GABRB1: variants seen among roughly 807,000 people sequenced by gnomAD.
GABRB1 encodes gamma-aminobutyric acid type A receptor subunit beta1, also known as gamma-aminobutyric acid receptor subunit beta-1.
In GABRB1, 17 loss-of-function variants were observed where a neutral mutation model predicts 51.6. The ratio of observed to expected loss-of-function variants is 0.33; its 90% CI spans 0.23 to 0.49. The LOEUF (loss-of-function observed/expected upper bound fraction) is 0.49. GABRB1 is among the 20% of genes least tolerant of loss of function. The pLI, the probability that GABRB1 is intolerant of heterozygous loss-of-function variation, is 0.99. For missense variants in GABRB1, 410 were observed against 600.6 expected, an observed-to-expected ratio of 0.68 and a Z score of 3.32; for synonymous variants, 247 against 218.9, an observed-to-expected ratio of 1.13 and a Z score of -1.14.
At chr4:46,995,100 A>G (rs532674150) in intron 1 of GABRB1, among the ~76,000 whole-genome samples, 18 of 152,326 alleles carry the variant, frequency 1.2e-4, no homozygotes, top group Admixed American at 8.5e-4. Flanking sequence ...GGCCTGGGCT[A>G]GGTAATTTTT....
At chr4:47,109,509 T>G (rs1460308373) in intron 3 of GABRB1, among the ~76,000 whole-genome samples, 1 of 152,104 alleles carries the variant, frequency 6.6e-6, no homozygotes, top group Non-Finnish European at 1.5e-5. Context: ...TGAGTTTGGT[T>G]GCAGGTAGAC....
At chr4:47,218,700 G>T (rs915259014) in intron 4 of GABRB1, among the ~76,000 whole-genome samples, 1 of 151,764 alleles carries the variant, frequency 6.6e-6, no homozygotes, top group Non-Finnish European at 1.5e-5. Context: ...TGAAAGGAAG[G>T]AGTGGCTATT....
chr4:47,165,355 C>T (rs975843810), intron 4 of GABRB1, among the ~76,000 whole-genome samples: 8 of 151,934 alleles, frequency 5.3e-5, no homozygotes, highest in Non-Finnish European at 4.4e-5. Context: ...TCTTCAGTTT[C>T]TGCTTTGAGC....
At chr4:47,371,390 A>G (rs931682741) in intron 5 of GABRB1, among the ~76,000 whole-genome samples, 1 of 152,156 alleles carries the variant, frequency 6.6e-6, no homozygotes, top group African/African-American at 2.4e-5. Flanking sequence ...TAGTGCTGCA[A>G]TCAACATACA....
chr4:47,036,733 G>A (rs1478443237), intron 3 of GABRB1, among the ~76,000 whole-genome samples: 2 of 152,008 alleles, frequency 1.3e-5, no homozygotes, highest in South Asian at 2.1e-4. Context: ...GTGATGGTGC[G>A]TGCCTATAGT....
Position 47,425,747 on chromosome 4 carries a change from C to T in GABRB1, c.1154C>T (p.Thr385Met). The T allele has an allele frequency of 6.2e-7, 1 of 1,614,186 alleles. No homozygotes were observed. Among genetic ancestry groups the T allele is most frequent in the Non-Finnish European group, 8.5e-7 (1 of 1,180,016 alleles). The change falls in exon 9 of 9, where the codon ACG becomes ATG. Residue 385 changes from threonine to methionine, a missense_variant. Thr to Met is a moderately conservative substitution (Grantham distance 81). Coordinates refer to ENST00000295454, the MANE Select transcript of GABRB1 (RefSeq NM_000812.4). ...GAGACGAGTGGCTCGGAAGTGCTCA[C>T]GAGCGTGAGCGACCCCAAGGCCACC... is the stretch of plus-strand genomic sequence containing the variant. ...RNETSGSEVL[T>M]SVSDPKATMY...
intron 5 of GABRB1, among the ~76,000 whole-genome samples, chr4:47,356,098 G>T (rs1191281652): frequency 2.6e-5 from 4 of 152,152 alleles, no homozygotes; most frequent in Admixed American, 6.5e-5. Context: ...ATTGTTGAAT[G>T]AATTAATTGG....
At chr4:47,086,109 A>G (rs1361144819) in intron 3 of GABRB1, among the ~76,000 whole-genome samples, 7 of 152,354 alleles carry the variant, frequency 4.6e-5, no homozygotes, top group Non-Finnish European at 8.8e-5. Context: ...TCATGGGTTT[A>G]ACATCCCTGA....
rs1272357540 is a variant in GABRB1 at position 47,261,031 on chromosome 4, G to T, written c.462-59096G>T. 3.3e-5 allele frequency among the ~76,000 whole-genome samples: 5 copies of T among 152,088 alleles called. No homozygotes were observed. The East Asian group carries it at 7.7e-4, about 23-fold the overall frequency. On this transcript the variant is annotated intron_variant, in intron 4 of 8. Coordinates refer to ENST00000295454, the MANE Select transcript of GABRB1 (RefSeq NM_000812.4). ...ATGCTAAAAACTCTCAAGAAATTAG[G>T]TATTGATGGGACAAATCTCAAAATA...
At chr4:47,390,368 C>T (rs1369784736) in intron 5 of GABRB1, among the ~76,000 whole-genome samples, 3 of 152,226 alleles carry the variant, frequency 2.0e-5, no homozygotes, top group Admixed American at 2.0e-4. Context: ...TCTGCATTAT[C>T]TGAAACACAT....
At chr4:47,200,487 C>T (rs1005059788) in intron 4 of GABRB1, among the ~76,000 whole-genome samples, 2 of 152,092 alleles carry the variant, frequency 1.3e-5, no homozygotes, top group African/African-American at 4.8e-5. Flanking sequence ...ATAAAGGCAT[C>T]GAACACTGTA....
intron 4 of GABRB1, among the ~76,000 whole-genome samples, chr4:47,303,190 T>G (rs1724326560): frequency 6.6e-6 from 1 of 151,906 alleles, no homozygotes; most frequent in African/African-American, 2.4e-5. Context: ...CCTCTGTGCA[T>G]TTTGTAATTT....
intron 4 of GABRB1, among the ~76,000 whole-genome samples, chr4:47,284,425 G>A (rs1723428407): frequency 6.6e-6 from 1 of 152,218 alleles, no homozygotes; most frequent in African/African-American, 2.4e-5. Flanking sequence ...TGATGTTTTC[G>A]TCTGCACACT....
In GABRB1 at chr4:47,322,085, A is replaced by G. The variant is rs1042918170; in HGVS notation, c.544+1876A>G. On this transcript the variant is annotated intron_variant, in intron 5 of 8. Coordinates refer to ENST00000295454, the MANE Select transcript of GABRB1 (RefSeq NM_000812.4). ...ATTTAATATAACATATAATGATCAA[A>G]ACTATAAATGAAGCAGAAATTAAAT... Among the ~76,000 whole-genome samples the G allele has an allele frequency of 5.9e-5, 9 of 152,324 alleles. No individual in the cohort carries two copies. The East Asian group carries it at 1.5e-3, about 26-fold the overall frequency.
chr4:47,273,312 T>C (rs1722946937), intron 4 of GABRB1, among the ~76,000 whole-genome samples: 1 of 152,166 alleles, frequency 6.6e-6, no homozygotes, highest in Non-Finnish European at 1.5e-5. Flanking sequence ...AATAAGAAAT[T>C]GGTGATATGA....
chr4:47,306,481 A>C (rs1404954361), intron 4 of GABRB1, among the ~76,000 whole-genome samples: 1 of 151,674 alleles, frequency 6.6e-6, no homozygotes, highest in Non-Finnish European at 1.5e-5. Context: ...GAAAGGAGGG[A>C]GAGAAAAAGG....
Position 47,037,320 on chromosome 4 carries a change from A to G in GABRB1, c.240+4836A>G, listed in dbSNP as rs192944046. Among the ~76,000 whole-genome samples, 146 of 152,280 alleles carry G rather than the reference A, an allele frequency of 9.6e-4. 1 individual carries two copies. The highest frequency in any genetic ancestry group is 3.0e-3 in the African/African-American group (124 of 41,552). On this transcript the variant is annotated intron_variant, in intron 3 of 8. Transcript: ENST00000295454. ...GTAAGTTCTCTGAGGTTATAATAGAATTTCCTTTGCAAACAGAACAAATAG... is the reference window on the plus strand; with the variant it reads ...GTAAGTTCTCTGAGGTTATAATAGAGTTTCCTTTGCAAACAGAACAAATAG...
intron 5 of GABRB1, among the ~76,000 whole-genome samples, chr4:47,328,467 C>T (rs1047034518): frequency 3.3e-5 from 5 of 152,118 alleles, no homozygotes; most frequent in South Asian, 2.1e-4. Context: ...CACATGCACA[C>T]GCATGTTTAT....
chr4:47,282,659 C>T (rs1055106027), intron 4 of GABRB1, among the ~76,000 whole-genome samples: 4 of 152,016 alleles, frequency 2.6e-5, no homozygotes, highest in African/African-American at 9.7e-5. Context: ...ATTTTCTTTA[C>T]AAATCTTAAC....
Sources: gnomAD v4.1 joint callset for allele counts (sites outside exome capture counted in the v4.1 genomes callset) on GRCh38, gnomAD v4.1.1 for gene constraint, MANE v1.5 for transcripts, NCBI Gene and HGNC (gene_info 2026-07-23, HGNC 2026-07-21) for gene names.